The following VSTM2L variants were observed in gnomAD, a reference collection of about 807,000 sequenced individuals.
The protein encoded by VSTM2L is V-set and transmembrane domain containing 2 like, also known as V-set and transmembrane domain-containing protein 2-like protein.
VSTM2L carries 9 observed loss-of-function variants against 19.9 expected under a neutral mutation model. The ratio of observed to expected loss-of-function variants is 0.45; its 90% confidence interval spans 0.27 to 0.79. VSTM2L has a LOEUF of 0.79. Among genes scored for constraint, VSTM2L ranks in the 30% least tolerant of loss-of-function variants. VSTM2L has a pLI of 0.15. For synonymous variants in VSTM2L, 127 were observed against 133.8 expected, an observed-to-expected ratio of 0.95 and a Z score of 0.35; for missense variants, 286 against 295.5, an observed-to-expected ratio of 0.97 and a Z score of 0.24.
chr20:37,912,520 G>A (rs947196725), intron 1 of VSTM2L, among the ~76,000 whole-genome samples: 2 of 152,092 alleles, frequency 1.3e-5, no homozygotes, highest in Non-Finnish European at 2.9e-5. Flanking sequence ...GGCTGTGTCT[G>A]GGGGGTGACT....
At chr20:37,928,731 G>A (rs2072892440) in intron 1 of VSTM2L, among the ~76,000 whole-genome samples, 1 of 152,174 alleles carries the variant, frequency 6.6e-6, no homozygotes, top group South Asian at 2.1e-4. Flanking sequence ...CTCCAGCCTA[G>A]ACAACAGAGC....
At chr20:37,903,735 ACACT>A (rs1479892175) in intron 1 of VSTM2L, among the ~76,000 whole-genome samples, 4 of 152,188 alleles carry the variant, frequency 2.6e-5, no homozygotes, top group Admixed American at 6.5e-5. Flanking sequence ...AGCCGCGGAC[ACACT>A]CAGAGCCACA....
intron 1 of VSTM2L, among the ~76,000 whole-genome samples, chr20:37,908,577 C>T (rs935959061): frequency 6.6e-6 from 1 of 152,162 alleles, no homozygotes; most frequent in Non-Finnish European, 1.5e-5. Context: ...CTTTGGGAGG[C>T]TGAGGTGGGT....
At chr20:37,922,084 G>C (rs62201729) in intron 1 of VSTM2L, among the ~76,000 whole-genome samples, 27,564 of 151,904 alleles carry the variant, frequency 0.18, 2,539 homozygotes, top group Middle Eastern at 0.31. Flanking sequence ...TAAGTATATG[G>C]TTCAGCCGCA....
intron 1 of VSTM2L, among the ~76,000 whole-genome samples, chr20:37,916,841 A>G (rs2072821326): frequency 6.6e-6 from 1 of 152,234 alleles, no homozygotes; most frequent in Non-Finnish European, 1.5e-5. Flanking sequence ...CACATATTAT[A>G]TGATGCAGAT....
chr20:37,903,515 A>G (rs2072733558), intron 1 of VSTM2L, 44 bp downstream of exon 1: 1 of 1,424,258 alleles, frequency 7.0e-7, no homozygotes, highest in East Asian at 3.1e-5. Context: ...ACCAAACCCC[A>G]ACCCGGGCCG....
At chr20:37,932,490 C>T (rs1383121519) in intron 2 of VSTM2L, among the ~76,000 whole-genome samples, 1 of 151,974 alleles carries the variant, frequency 6.6e-6, no homozygotes, top group Non-Finnish European at 1.5e-5. Flanking sequence ...GCAGGAGCAG[C>T]CCCCACCAAT....
chr20:37,923,554 G>C (rs1167577695), intron 1 of VSTM2L, among the ~76,000 whole-genome samples: 3 of 152,202 alleles, frequency 2.0e-5, no homozygotes, highest in Non-Finnish European at 4.4e-5. Flanking sequence ...CCTGAGGCTG[G>C]AGAAGACAAT....
intron 1 of VSTM2L, among the ~76,000 whole-genome samples, chr20:37,929,404 G>T (rs530837150): frequency 6.6e-6 from 1 of 152,138 alleles, no homozygotes. Context: ...GCAGTGGTGC[G>T]TTCAAGGCTT....
rs753516492 is a variant in VSTM2L, at chr20:37,933,563, G to A, written c.316G>A (p.Ala106Thr). 3.1e-6 allele frequency: 5 copies of A among 1,610,070 alleles called. No individual in the cohort carries two copies. Among genetic ancestry groups the A allele is most frequent in the South Asian group, 2.2e-5 (2 of 91,002 alleles). ...NQLKASQQED[A>T]GKEATKISVV... Reference sequence around the variant, plus strand: ...GCTAAAAGCATCTCAGCAGGAAGACGCAGGGAAGGAGGCAACCAAAATAAG... The same window carrying A: ...GCTAAAAGCATCTCAGCAGGAAGACACAGGGAAGGAGGCAACCAAAATAAG... The change falls in exon 3 of 4, where the codon GCA (alanine) becomes ACA (threonine). Residue 106 changes from alanine to threonine, a missense_variant. Ala to Thr is a moderately conservative substitution (Grantham distance 58). Transcript: ENST00000373461.
At chr20:37,906,155 C>T (rs550086067) in intron 1 of VSTM2L, among the ~76,000 whole-genome samples, 4 of 152,078 alleles carry the variant, frequency 2.6e-5, no homozygotes, top group Admixed American at 1.3e-4. Flanking sequence ...CCAGCCCGGC[C>T]GCCGGGCTCC....
rs779835714 is a variant in VSTM2L at position 37,944,190 on chromosome 20, GC to G, written c.558del (p.Lys187SerfsTer6). Reference sequence around the variant, plus strand: ...CCCCTCCCGCCGCGCCCGCCCCGCCGCCCCCCAAGCCAGGCAAGGAGCTGAG... The same window carrying G: ...CCCCTCCCGCCGCGCCCGCCCCGCCGCCCCCAAGCCAGGCAAGGAGCTGAG... The part of the protein sequence containing the change: ...EAPPAAPAPP[P>X]PKPGKELRKR... On this transcript the variant is annotated frameshift_variant, in exon 4 of 4. Transcript: ENST00000373461. LOFTEE classifies it high-confidence loss of function. 22 of 1,030,926 alleles carry G rather than the reference GC, an allele frequency of 2.1e-5. No homozygotes were observed. The highest frequency in any genetic ancestry group is 2.6e-5 in the Non-Finnish European group (21 of 795,226). The allele number at this position is 1,030,926 out of a possible 1,614,324, so 63.9% of individuals were successfully genotyped here.
intron 3 of VSTM2L, among the ~76,000 whole-genome samples, chr20:37,937,636 C>T (rs2072948031): frequency 6.6e-6 from 1 of 152,168 alleles, no homozygotes. Context: ...GTAAATCGCT[C>T]GTGGTTGGAA....
intron 3 of VSTM2L, among the ~76,000 whole-genome samples, chr20:37,936,789 G>A (rs1238136166): frequency 3.3e-5 from 5 of 152,150 alleles, no homozygotes; most frequent in East Asian, 1.9e-4. Flanking sequence ...ATATGAAAAC[G>A]CTTTGGAAAC....
intron 1 of VSTM2L, among the ~76,000 whole-genome samples, chr20:37,922,539 T>C (rs934240929): frequency 2.6e-5 from 4 of 152,084 alleles, no homozygotes; most frequent in African/African-American, 7.2e-5. Context: ...CAGCTCTGCC[T>C]TGGTTTTCCT....
chr20:37,914,113 T>TTG (rs148109631), intron 1 of VSTM2L, among the ~76,000 whole-genome samples: 7 of 151,000 alleles, frequency 4.6e-5, no homozygotes, highest in African/African-American at 7.3e-5. Flanking sequence ...AAAGAGGGAA[T>TTG]TGTGTGTGTG....
At chr20:37,910,912 G>T (rs780751321) in intron 1 of VSTM2L, among the ~76,000 whole-genome samples, 14 of 144,018 alleles carry the variant, frequency 9.7e-5, no homozygotes, top group African/African-American at 3.5e-4. Flanking sequence ...GTGAGACCCT[G>T]TCTCTTAAAA....
chr20:37,905,274 G>A (rs941894299), intron 1 of VSTM2L, among the ~76,000 whole-genome samples: 11 of 152,114 alleles, frequency 7.2e-5, no homozygotes, highest in East Asian at 3.9e-4. Context: ...TTGCAGTCCC[G>A]AGGGGTATGA....
At chr20:37,924,331 T>A (rs1188643930) in intron 1 of VSTM2L, among the ~76,000 whole-genome samples, 1 of 151,824 alleles carries the variant, frequency 6.6e-6, no homozygotes, top group African/African-American at 2.4e-5. Context: ...GGTGGGCGGA[T>A]CACCTGAGGT....
Sources: allele counts gnomAD v4.1 joint callset (sites outside exome capture counted in the v4.1 genomes callset), GRCh38; gene constraint gnomAD v4.1.1; transcripts MANE v1.5; gene names NCBI Gene and HGNC (gene_info 2026-07-23, HGNC 2026-07-21).